GRID2: variants seen among roughly 807,000 people sequenced by gnomAD.
The protein encoded by GRID2 is glutamate ionotropic receptor delta type subunit 2.
Under a neutral mutation model 114.8 loss-of-function variants are expected in GRID2, and 33 were observed. The ratio of observed to expected loss-of-function variants is 0.29; its 90% CI spans 0.22 to 0.38. GRID2 has a LOEUF of 0.38. Among genes scored for constraint, GRID2 ranks in the 10% least tolerant of loss-of-function variants. The pLI, the probability that GRID2 is intolerant of heterozygous loss-of-function variation, is 1.00. For synonymous variants in GRID2, 505 were observed against 449.9 expected (o/e 1.12, Z -1.55); for missense variants, 1,184 against 1,257.7 (o/e 0.94, Z 0.89).
intron 15 of GRID2, among the ~76,000 whole-genome samples, chr4:93,771,039 A>G (rs1734068078): frequency 6.6e-6 from 1 of 152,204 alleles, no homozygotes; most frequent in Non-Finnish European, 1.5e-5. Flanking sequence ...GCTCCATTCT[A>G]ACTTGTGACA....
At chr4:92,407,247 T>G (rs544145289) in intron 1 of GRID2, among the ~76,000 whole-genome samples, 69 of 152,220 alleles carry the variant, frequency 4.5e-4, no homozygotes, top group African/African-American at 1.7e-3. Flanking sequence ...AAGGTGATAT[T>G]TGGATGGGGA....
intron 10 of GRID2, among the ~76,000 whole-genome samples, chr4:93,443,603 C>A (rs1721819562): frequency 6.6e-6 from 1 of 151,844 alleles, no homozygotes; most frequent in African/African-American, 2.4e-5. Context: ...TAGATTTGGC[C>A]TCAGCGAAAG....
At chr4:93,765,575 T>G (rs1163994462) in intron 14 of GRID2, among the ~76,000 whole-genome samples, 2 of 149,688 alleles carry the variant, frequency 1.3e-5, no homozygotes, top group African/African-American at 4.9e-5. Flanking sequence ...TTTAAGGCTT[T>G]TAATTCCTAT....
Position 93,520,896 on chromosome 4 carries a change from C to T in GRID2, c.2193+5485C>T, listed in dbSNP as rs143185437. On this transcript the variant is annotated intron_variant, in intron 13 of 15. Coordinates refer to ENST00000282020, the MANE Select transcript of GRID2 (RefSeq NM_001510.4). ...GACGCAACATAACTTTTTAAAGGTC[C>T]GCTCTAGATGCTGTGTGGAGACCAG... 4.4e-3 allele frequency among the ~76,000 whole-genome samples: 664 copies of T among 152,096 alleles called. 2 individuals are homozygous for T. Among genetic ancestry groups the T allele is most frequent in the African/African-American group, 0.015 (630 of 41,494 alleles).
At chr4:93,488,227 A>G (rs1726604647) in intron 11 of GRID2, among the ~76,000 whole-genome samples, 1 of 151,944 alleles carries the variant, frequency 6.6e-6, no homozygotes, top group Non-Finnish European at 1.5e-5. Flanking sequence ...AAATCCTCAT[A>G]TGGATGTAAA....
chr4:92,564,975 A>G (rs1384946416), intron 1 of GRID2, among the ~76,000 whole-genome samples: 1 of 151,998 alleles, frequency 6.6e-6, no homozygotes, highest in East Asian at 1.9e-4. Context: ...TCAAGTGATC[A>G]CCATTGTTAT....
At chr4:92,480,020 GTAT>G (rs1042448921) in intron 1 of GRID2, among the ~76,000 whole-genome samples, 8 of 152,160 alleles carry the variant, frequency 5.3e-5, no homozygotes, top group Non-Finnish European at 7.4e-5. Context: ...TGCATAATGA[GTAT>G]TATTATTATT....
chr4:93,581,663 GCTAGAGATAGTCAGGGCTAAATT>G (rs1191875227), intron 13 of GRID2, among the ~76,000 whole-genome samples: 1 of 152,136 alleles, frequency 6.6e-6, no homozygotes, highest in African/African-American at 2.4e-5. Flanking sequence ...CCTACAACCT[GCTAGAGATAGTCAGGGCTAAATT>G]CTATGTCTGC....
At chr4:92,805,417 A>G (rs1740362126) in intron 2 of GRID2, among the ~76,000 whole-genome samples, 2 of 152,040 alleles carry the variant, frequency 1.3e-5, no homozygotes, top group Admixed American at 6.6e-5. Flanking sequence ...GGGAAATACA[A>G]CATCCTTCTT....
intron 14 of GRID2, among the ~76,000 whole-genome samples, chr4:93,748,317 T>C (rs1046745117): frequency 2.0e-5 from 3 of 152,104 alleles, no homozygotes; most frequent in African/African-American, 7.2e-5. Context: ...TAATAAATTA[T>C]AAATATGGCC....
At chr4:92,632,707 GAAGGGAAGGAGTGAAGA>G in intron 2 of GRID2, among the ~76,000 whole-genome samples, 1 of 151,854 alleles carries the variant, frequency 6.6e-6, no homozygotes, top group South Asian at 2.1e-4. Flanking sequence ...GAAAGGGAAG[GAAGGGAAGGAGTGAAGA>G]AAGGGAAGGA....
intron 4 of GRID2, among the ~76,000 whole-genome samples, chr4:93,160,362 A>C (rs1049588623): frequency 6.6e-6 from 1 of 151,888 alleles, no homozygotes; most frequent in Non-Finnish European, 1.5e-5. Flanking sequence ...AAAGTTTTCC[A>C]GTTCGTCTCG....
At chr4:93,523,645 T>C (rs1178474741) in intron 13 of GRID2, among the ~76,000 whole-genome samples, 1 of 152,058 alleles carries the variant, frequency 6.6e-6, no homozygotes. Flanking sequence ...TGAGTGTAGG[T>C]TGGCAGGAGG....
chr4:92,980,060 T>C (rs910622892), intron 2 of GRID2, among the ~76,000 whole-genome samples: 75 of 152,190 alleles, frequency 4.9e-4, no homozygotes, highest in Non-Finnish European at 1.9e-4. Context: ...CCCATGCTAA[T>C]ATTTGCCTTA....
intron 2 of GRID2, among the ~76,000 whole-genome samples, chr4:92,946,821 G>T (rs913601928): frequency 3.9e-5 from 6 of 152,008 alleles, no homozygotes; most frequent in Non-Finnish European, 8.8e-5. Flanking sequence ...TGTAATTTCT[G>T]ATTCAATAGG....
chr4:93,272,009 A>G (rs1391880459), intron 8 of GRID2, among the ~76,000 whole-genome samples: 1 of 152,160 alleles, frequency 6.6e-6, no homozygotes, highest in Non-Finnish European at 1.5e-5. Flanking sequence ...TGAGTGACCT[A>G]TTATATGTGT....
chr4:92,974,389 T>C (rs1048584979), intron 2 of GRID2, among the ~76,000 whole-genome samples: 2 of 152,116 alleles, frequency 1.3e-5, no homozygotes, highest in African/African-American at 2.4e-5. Flanking sequence ...CATGTACATG[T>C]ATCTTTATTG....
intron 12 of GRID2, among the ~76,000 whole-genome samples, chr4:93,503,661 C>T (rs1170301855): frequency 6.6e-6 from 1 of 151,920 alleles, no homozygotes; most frequent in African/African-American, 2.4e-5. Context: ...GAACTCAAAC[C>T]ACTTTGCACT....
intron 1 of GRID2, among the ~76,000 whole-genome samples, chr4:92,455,813 T>A (rs1220067487): frequency 6.6e-6 from 1 of 152,158 alleles, no homozygotes; most frequent in African/African-American, 2.4e-5. Flanking sequence ...AAAGTTTAGG[T>A]CACACTTTGA....
Sources: allele counts gnomAD v4.1 joint callset (sites outside exome capture counted in the v4.1 genomes callset), GRCh38; gene constraint gnomAD v4.1.1; transcripts MANE v1.5; gene names NCBI Gene and HGNC (gene_info 2026-07-23, HGNC 2026-07-21).